Variants in ELAVL2 observed in about 807,000 individuals in gnomAD.
ELAVL2 encodes the protein ELAV-like protein 2.
A neutral mutation model predicts 34.6 loss-of-function variants in ELAVL2; 4 were observed. That is an observed-to-expected ratio of 0.12 (90% CI 0.06 to 0.26). The LOEUF (loss-of-function observed/expected upper bound fraction) is 0.26, where lower values mean the gene tolerates loss of function less well. Among genes scored for constraint, ELAVL2 ranks in the 10% least tolerant of loss-of-function variants. The pLI is 1.00. For missense variants in ELAVL2, 432 were observed against 442.8 expected (o/e 0.98, Z 0.22); for synonymous variants, 193 against 154.8 (o/e 1.25, Z -1.83).
intron 1 of ELAVL2, among the ~76,000 whole-genome samples, chr9:23,782,069 C>T (rs1395259978): frequency 6.6e-6 from 1 of 152,140 alleles, no homozygotes; most frequent in Non-Finnish European, 1.5e-5. Flanking sequence ...GATCCTCCCA[C>T]CTCAGCCTCT....
At chr9:23,729,395 C>T (rs975925034) in intron 3 of ELAVL2, among the ~76,000 whole-genome samples, 6 of 152,170 alleles carry the variant, frequency 3.9e-5, no homozygotes, top group South Asian at 4.1e-4. Flanking sequence ...AAAGAGCACA[C>T]GGTCTGACGG....
intron 1 of ELAVL2, among the ~76,000 whole-genome samples, chr9:23,813,283 G>C (rs2063260445): frequency 6.6e-6 from 1 of 152,032 alleles, no homozygotes; most frequent in African/African-American, 2.4e-5. Flanking sequence ...ACATAGGAGA[G>C]GGCCTTGCTA....
the ELAVL2 span, chr9:23,849,699 A>T: frequency 6.6e-6 from 1 of 152,270 alleles, no homozygotes; most frequent in Admixed American, 6.5e-5. Context: ...AGAGTATCAA[A>T]CATATAAATA....
chr9:23,828,308 T>C (rs2065392310), upstream of ELAVL2, among the ~76,000 whole-genome samples: 1 of 152,232 alleles, frequency 6.6e-6, no homozygotes, highest in Non-Finnish European at 1.5e-5. Context: ...TAGGTTAATA[T>C]TGAATTAGTT....
chr9:23,827,840 C>G (rs1180184511), upstream of ELAVL2, among the ~76,000 whole-genome samples: 1 of 151,998 alleles, frequency 6.6e-6, no homozygotes, highest in East Asian at 1.9e-4. Context: ...GTTTATCTCC[C>G]GTGTAGCCTG....
At chr9:23,763,370 C>A (rs1424921580) in intron 1 of ELAVL2, among the ~76,000 whole-genome samples, 1 of 152,100 alleles carries the variant, frequency 6.6e-6, no homozygotes, top group Non-Finnish European at 1.5e-5. Flanking sequence ...TTTCCACTAA[C>A]TACCTATCTT....
At chr9:23,838,743 T>TG in the ELAVL2 span, among the ~76,000 whole-genome samples, 2 of 152,134 alleles carry the variant, frequency 1.3e-5, no homozygotes, top group Admixed American at 1.3e-4. Context: ...TCTCATAAAA[T>TG]GAATCTTCAT....
At chr9:23,818,109 C>A (rs948760935) in intron 1 of ELAVL2, among the ~76,000 whole-genome samples, 1 of 152,090 alleles carries the variant, frequency 6.6e-6, no homozygotes, top group Non-Finnish European at 1.5e-5. Flanking sequence ...CTGTGCGTAA[C>A]CAGAACCGGT....
intron 1 of ELAVL2, among the ~76,000 whole-genome samples, chr9:23,814,446 A>G (rs963601977): frequency 6.6e-6 from 1 of 152,172 alleles, no homozygotes; most frequent in Non-Finnish European, 1.5e-5. Flanking sequence ...GAGGGGAGGA[A>G]GGCTGTGGGT....
chr9:23,789,711 A>G (rs578204703), intron 1 of ELAVL2, among the ~76,000 whole-genome samples: 8 of 152,214 alleles, frequency 5.3e-5, no homozygotes, highest in Non-Finnish European at 1.2e-4. Flanking sequence ...TAAATAATGT[A>G]TCGTATTATA....
intron 4 of ELAVL2, among the ~76,000 whole-genome samples, 163 bp from the exon 5 acceptor site, chr9:23,701,767 T>C (rs1298248201): frequency 6.6e-6 from 1 of 152,320 alleles, no homozygotes; most frequent in Non-Finnish European, 1.5e-5. Flanking sequence ...CTTTACTTAC[T>C]AGCCATTCAG....
upstream of ELAVL2, among the ~76,000 whole-genome samples, chr9:23,827,542 A>AATGTAATGTACACATTACATTACAC (rs140576345): frequency 2.5e-3 from 383 of 152,274 alleles, no homozygotes; most frequent in South Asian, 4.1e-3. Flanking sequence ...AGAATGTGTA[A>AATGTAATGTACACATTACATTACAC]ATGTAATGTA....
chr9:23,725,939 G>A (rs562526639), intron 3 of ELAVL2, among the ~76,000 whole-genome samples: 2 of 152,124 alleles, frequency 1.3e-5, no homozygotes, highest in African/African-American at 4.8e-5. Context: ...CGATATAAAT[G>A]GAAACTTAAA....
At chr9:23,703,117 G>C (rs1162641241) in intron 4 of ELAVL2, among the ~76,000 whole-genome samples, 1 of 152,036 alleles carries the variant, frequency 6.6e-6, no homozygotes, top group East Asian at 1.9e-4. Flanking sequence ...TTTTTAGCAG[G>C]GTTCCAGAAG....
At chr9:23,739,084 T>A (rs2048544304) in intron 2 of ELAVL2, among the ~76,000 whole-genome samples, 1 of 151,854 alleles carries the variant, frequency 6.6e-6, no homozygotes, top group South Asian at 2.1e-4. Context: ...TCTTGCCAAG[T>A]ATTACACCGG....
intron 5 of ELAVL2, among the ~76,000 whole-genome samples, chr9:23,700,691 T>TA (rs2133108557): frequency 6.6e-6 from 1 of 152,310 alleles, no homozygotes; most frequent in Admixed American, 6.5e-5. Flanking sequence ...AAATATTTAC[T>TA]ATCTGGTACT....
chr9:23,779,979 T>TAAAAAAAAAAAAAAAAAA (rs61251366), intron 1 of ELAVL2, among the ~76,000 whole-genome samples: 1 of 48,256 alleles, frequency 2.1e-5, no homozygotes, highest in Non-Finnish European at 4.0e-5. Flanking sequence ...TAGTGTTCCT[T>TAAAAAAAAAAAAAAAAAA]AAAAAAAAAA....
chr9:23,711,678 C>T (rs1351439764), intron 3 of ELAVL2, among the ~76,000 whole-genome samples: 1 of 152,158 alleles, frequency 6.6e-6, no homozygotes, highest in African/African-American at 2.4e-5. Flanking sequence ...CTCTTACCTG[C>T]ACCCACACTG....
chr9:23,822,656 G>A (rs2064980314), intron 1 of ELAVL2, among the ~76,000 whole-genome samples: 1 of 152,232 alleles, frequency 6.6e-6, no homozygotes, highest in African/African-American at 2.4e-5. Flanking sequence ...CACCTGCTCG[G>A]CCGCTTAATT....
Sources: gnomAD v4.1 joint callset for allele counts (sites outside exome capture counted in the v4.1 genomes callset) on GRCh38, gnomAD v4.1.1 for gene constraint, MANE v1.5 for transcripts, NCBI Gene and HGNC (gene_info 2026-07-23, HGNC 2026-07-21) for gene names.